Variants in TRPC5 observed in about 807,000 individuals in gnomAD.
TRPC5 encodes the protein transient receptor potential cation channel subfamily C member 5.
A neutral mutation model predicts 56.5 loss-of-function variants in TRPC5; 9 were observed. That is an observed-to-expected ratio of 0.16 (90% CI 0.10 to 0.28). TRPC5 has a LOEUF of 0.28. Ranked by LOEUF, TRPC5 falls within the 10% of genes least tolerant of loss-of-function variation. The probability of loss-of-function intolerance (pLI) is 1.00; values close to 1 mark genes in which losing one functional copy is unlikely to be tolerated. For synonymous variants in TRPC5, 282 were observed against 278.5 expected (o/e 1.01, Z -0.13); for missense variants, 469 against 748.9 (o/e 0.63, Z 4.36).
intron 2 of TRPC5, among the ~76,000 whole-genome samples, chrX:111,941,102 C>T (rs1177207689): frequency 8.9e-6 from 1 of 112,285 alleles, no homozygotes; most frequent in Non-Finnish European, 1.9e-5. Context: ...CACATCACCT[C>T]CTATAACCTG....
At chrX:111,824,266 G>T (rs1395248879) in intron 7 of TRPC5, among the ~76,000 whole-genome samples, 1 of 108,202 alleles carries the variant, frequency 9.2e-6, no homozygotes, top group Admixed American at 1.0e-4. Context: ...ACCCTTGGGC[G>T]AGTCACTTTT....
chrX:112,014,508 C>T (rs893069580), intron 1 of TRPC5, among the ~76,000 whole-genome samples: 1 of 112,462 alleles, frequency 8.9e-6, no homozygotes, highest in Non-Finnish European at 1.9e-5. Flanking sequence ...AGCTTCTCTG[C>T]ATGTGCTCCT....
At chrX:111,965,891 A>G (rs1377431116) in intron 1 of TRPC5, among the ~76,000 whole-genome samples, 2 of 111,691 alleles carry the variant, frequency 1.8e-5, no homozygotes, top group African/African-American at 3.3e-5. Flanking sequence ...CAAAATTGAC[A>G]CCCTAACATC....
At chrX:111,882,300 T>C (rs1924262366) in intron 3 of TRPC5, among the ~76,000 whole-genome samples, 1 of 111,661 alleles carries the variant, frequency 9.0e-6, no homozygotes, top group Non-Finnish European at 1.9e-5. Flanking sequence ...TAAGTACCTC[T>C]GGCTGCAAAG....
intron 1 of TRPC5, 86 bp from the exon 2 acceptor site, chrX:111,952,527 G>A: frequency 1.1e-6 from 1 of 949,627 alleles, no homozygotes; most frequent in South Asian, 2.9e-5. Flanking sequence ...CCCTGCTAAG[G>A]GGTTAGAAAA....
intron 1 of TRPC5, among the ~76,000 whole-genome samples, chrX:112,039,017 A>T (rs1429524646): frequency 1.8e-5 from 2 of 110,453 alleles, no homozygotes; most frequent in African/African-American, 3.3e-5. Context: ...AAGGAAGCAC[A>T]TGAGTTAAAG....
In TRPC5 at chrX:111,780,776, T is replaced by G. The variant is rs185239016; in HGVS notation, c.2142+389A>C. 2.1e-4 allele frequency among the ~76,000 whole-genome samples: 24 copies of G among 112,257 alleles called. No homozygotes were observed. In the East Asian group the frequency reaches 6.4e-3, roughly 30 times the overall value. ...GTTATTTTATCCCTGCTAGATAATATATTTCATAAGGGCAGAAAGATTGCA... is the reference window on the plus strand; with the variant it reads ...GTTATTTTATCCCTGCTAGATAATAGATTTCATAAGGGCAGAAAGATTGCA... On this transcript the variant is annotated intron_variant, in intron 9 of 10. Coordinates refer to ENST00000262839, the MANE Select transcript of TRPC5 (RefSeq NM_012471.3).
At chrX:111,863,711 TC>T (rs1923467536) in intron 3 of TRPC5, among the ~76,000 whole-genome samples, 1 of 111,986 alleles carries the variant, frequency 8.9e-6, no homozygotes, top group Non-Finnish European at 1.9e-5. Context: ...AGAAAAGCTT[TC>T]AAGTTTCCTA....
At chrX:111,873,032 A>G (rs1450934784) in intron 3 of TRPC5, among the ~76,000 whole-genome samples, 1 of 112,603 alleles carries the variant, frequency 8.9e-6, no homozygotes, top group Non-Finnish European at 1.9e-5. Context: ...AAAATAATTC[A>G]TTCTATCAAA....
rs191228430 is a variant in TRPC5 at position 111,992,968 on chromosome X, G to A, written c.-21-40527C>T. On this transcript the variant is annotated intron_variant, in intron 1 of 10. Coordinates refer to ENST00000262839, the MANE Select transcript of TRPC5 (RefSeq NM_012471.3). ...GCACAACGTGCAGGTTTGATACATA[G>A]GTATACATGTGCCATGTTGGTTTGC... Among the ~76,000 whole-genome samples, 795 of 110,194 alleles carry A rather than the reference G, an allele frequency of 7.2e-3. 4 individuals carry two copies. The highest frequency in any genetic ancestry group is 0.025 in the African/African-American group (749 of 30,247).
rs753905931 is a variant in TRPC5 at position 111,882,514 on chromosome X, G to A, written c.901-28408C>T. Among the ~76,000 whole-genome samples the A allele has an allele frequency of 8.8e-5, 10 of 113,026 alleles. No individual in the cohort carries two copies. In the South Asian group the frequency reaches 3.6e-3, roughly 41 times the overall value. ...AGCTGCAATTTAGCCAAGGTCTGAT[G>A]ACAGCTTAATCAAGACAAGGCCAAG... On this transcript the variant is annotated intron_variant, in intron 3 of 10. Transcript: ENST00000262839.
intron 7 of TRPC5, among the ~76,000 whole-genome samples, chrX:111,795,530 A>G (rs140281774): frequency 0.02 from 2,213 of 110,812 alleles, 45 homozygotes; most frequent in African/African-American, 0.069. Context: ...AATATTTTGT[A>G]TATGTCATCA....
chrX:111,825,219 CT>C (rs57330477), intron 7 of TRPC5, among the ~76,000 whole-genome samples: 13 of 48,862 alleles, frequency 2.7e-4, no homozygotes, highest in East Asian at 2.5e-3. Flanking sequence ...TTCTTTCTTT[CT>C]TCTTTCTTTC....
At chrX:112,052,237 A>G (rs1445917441) in intron 1 of TRPC5, among the ~76,000 whole-genome samples, 1 of 111,419 alleles carries the variant, frequency 9.0e-6, no homozygotes, top group Non-Finnish European at 1.9e-5. Flanking sequence ...TTACGTTCCC[A>G]TCAACAGCAC....
intron 9 of TRPC5, 80 bp from the exon 10 acceptor site, chrX:111,779,154 A>G (rs1231406944): frequency 2.9e-6 from 2 of 687,307 alleles, no homozygotes; most frequent in African/African-American, 4.4e-5. Flanking sequence ...TAGGAAATAA[A>G]ACATGCTTAG....
At chrX:111,817,012 T>C (rs1921878036) in intron 7 of TRPC5, among the ~76,000 whole-genome samples, 1 of 112,183 alleles carries the variant, frequency 8.9e-6, no homozygotes, top group African/African-American at 3.2e-5. Context: ...CAGGTGGTAC[T>C]CAAAGGAAAT....
At chrX:111,901,525 CTTT>C (rs1925344580) in intron 3 of TRPC5, 1 of 146,555 alleles carries the variant, frequency 6.8e-6, no homozygotes, top group Admixed American at 8.1e-5. Flanking sequence ...TTATATCTCT[CTTT>C]TTTATTATTA....
At chrX:111,809,135 G>A (rs982205527) in intron 7 of TRPC5, among the ~76,000 whole-genome samples, 1 of 110,837 alleles carries the variant, frequency 9.0e-6, no homozygotes, top group Non-Finnish European at 1.9e-5. Context: ...GGTGGTACAA[G>A]CACTCCCTTG....
intron 1 of TRPC5, among the ~76,000 whole-genome samples, chrX:111,969,116 C>A (rs745377524): frequency 1.8e-5 from 2 of 111,147 alleles, no homozygotes; most frequent in East Asian, 5.6e-4. Context: ...TATCAGTCAG[C>A]CTGATCAGTC....
Sources: gnomAD v4.1 joint callset for allele counts (sites outside exome capture counted in the v4.1 genomes callset) on GRCh38, gnomAD v4.1.1 for gene constraint, MANE v1.5 for transcripts, NCBI Gene and HGNC (gene_info 2026-07-23, HGNC 2026-07-21) for gene names.